Variants in PCMT1 observed in about 807,000 individuals in gnomAD.
PCMT1 encodes protein-L-isoaspartate (D-aspartate) O-methyltransferase.
Under a neutral mutation model 29.2 loss-of-function variants are expected in PCMT1, and 9 were observed. The observed-to-expected ratio is 0.31, with a 90% CI of 0.19 to 0.54. PCMT1 has a LOEUF of 0.54. Among genes scored for constraint, PCMT1 ranks in the 20% least tolerant of loss-of-function variants. PCMT1 has a pLI of 0.95. For missense variants in PCMT1, 184 were observed against 282.2 expected, an observed-to-expected ratio of 0.65 and a Z score of 2.49; for synonymous variants, 98 against 97.5, an observed-to-expected ratio of 1.00 and a Z score of -0.03.
chr6:149,752,450 C>T (rs757162079), intron 1 of PCMT1, among the ~76,000 whole-genome samples: 16 of 152,246 alleles, frequency 1.1e-4, no homozygotes, highest in Admixed American at 2.0e-4. Flanking sequence ...CTGCCTGCCT[C>T]GGCCTCCCAA....
In PCMT1 at chr6:149,762,132, C is replaced by T. The variant is rs541151054; in HGVS notation, c.56-9030C>T. Among the ~76,000 whole-genome samples the T allele has an allele frequency of 7.9e-5, 12 of 151,942 alleles. No individual in the cohort carries two copies. The South Asian group carries it at 8.3e-4, about 11-fold the overall frequency. On this transcript the variant is annotated intron_variant, in intron 1 of 7. Transcript: ENST00000464889. ...TGGAATTTGATTTATCCTCTGTGCC[C>T]GTTTTCACCCACGCTTCAAGTTGGG... is the stretch of plus-strand genomic sequence containing the variant.
intron 3 of PCMT1, among the ~76,000 whole-genome samples, chr6:149,780,201 C>T (rs1035632052): frequency 2.6e-5 from 4 of 151,716 alleles, no homozygotes; most frequent in Non-Finnish European, 4.4e-5. Flanking sequence ...TTTAGCTGGG[C>T]GTGATAGTAC....
intron 1 of PCMT1, among the ~76,000 whole-genome samples, chr6:149,757,746 C>T (rs1255369740): frequency 6.6e-6 from 1 of 152,124 alleles, no homozygotes; most frequent in African/African-American, 2.4e-5. Flanking sequence ...GACCATTTCA[C>T]TGTAAGGGAT....
intron 1 of PCMT1, among the ~76,000 whole-genome samples, chr6:149,764,349 T>G (rs561646744): frequency 6.6e-6 from 1 of 152,346 alleles, no homozygotes; most frequent in African/African-American, 2.4e-5. Flanking sequence ...TTTATAGGCT[T>G]ATTTGAGACA....
chr6:149,754,161 A>G lies in PCMT1; in HGVS notation c.55+4205A>G, dbSNP rs539707593. Among the ~76,000 whole-genome samples the G allele has an allele frequency of 1.7e-4, 26 of 152,364 alleles. No homozygotes were observed. The South Asian group carries it at 5.2e-3, about 30-fold the overall frequency. Reference sequence around the variant, plus strand: ...TTGTCCAGTGTGGTAGCTACTAGCTACATGTGGCATTTAACATTTGAAATG... The same window carrying G: ...TTGTCCAGTGTGGTAGCTACTAGCTGCATGTGGCATTTAACATTTGAAATG... On this transcript the variant is annotated intron_variant, in intron 1 of 7. Transcript: ENST00000464889.
At chr6:149,770,563 G>A (rs1787271455) in intron 1 of PCMT1, among the ~76,000 whole-genome samples, 1 of 151,908 alleles carries the variant, frequency 6.6e-6, no homozygotes, top group African/African-American at 2.4e-5. Context: ...AAAATTAGCT[G>A]GGCGTGGTGG....
At chr6:149,770,960 C>T (rs942748244) in intron 1 of PCMT1, among the ~76,000 whole-genome samples, 1 of 151,976 alleles carries the variant, frequency 6.6e-6, no homozygotes, top group Non-Finnish European at 1.5e-5. Flanking sequence ...GATTGCGCCA[C>T]TGCACTCCAG....
chr6:149,757,959 T>C (rs1418359898), intron 1 of PCMT1, among the ~76,000 whole-genome samples: 1 of 152,180 alleles, frequency 6.6e-6, no homozygotes, highest in Admixed American at 6.6e-5. Context: ...CTTGGCTCAC[T>C]GCAACCTCTG....
At chr6:149,764,876 C>G (rs897682432) in intron 1 of PCMT1, among the ~76,000 whole-genome samples, 3 of 150,696 alleles carry the variant, frequency 2.0e-5, no homozygotes, top group Non-Finnish European at 4.4e-5. Context: ...CCCGTCTCTA[C>G]TAAAAATACA....
intron 1 of PCMT1, among the ~76,000 whole-genome samples, chr6:149,770,754 A>T (rs1197255042): frequency 6.6e-6 from 1 of 150,574 alleles, no homozygotes; most frequent in Non-Finnish European, 1.5e-5. Flanking sequence ...CTGTAATCCC[A>T]GTGCTTTGGG....
intron 6 of PCMT1, chr6:149,796,756 A>G: frequency 2.9e-6 from 1 of 341,160 alleles, no homozygotes; most frequent in Non-Finnish European, 5.2e-6. Context: ...AATTGGGAAA[A>G]TCCCTCTGGA....
intron 1 of PCMT1, among the ~76,000 whole-genome samples, chr6:149,763,635 ATTTC>A (rs1470767219): frequency 6.6e-6 from 1 of 152,228 alleles, no homozygotes; most frequent in Admixed American, 6.6e-5. Flanking sequence ...GAAGGAAGTG[ATTTC>A]TTTAATTTAC....
Position 149,796,728 on chromosome 6 carries a change from G to A in PCMT1, c.504+228G>A, listed in dbSNP as rs559282426. 28 of 393,258 alleles carry A rather than the reference G, an allele frequency of 7.1e-5. No individual in the cohort carries two copies. The South Asian group carries it at 1.6e-3, about 23-fold the overall frequency. The allele number at this position is 393,258 out of a possible 1,614,324, so 24.4% of individuals were successfully genotyped here. On this transcript the variant is annotated intron_variant, in intron 6 of 7. Transcript: ENST00000464889. The stretch of plus-strand genomic sequence containing the variant: ...TGGCGCTCATATTTGATCCAGGTAA[G>A]AACTAGGACAACAGTAGAATTGGGA...
At chr6:149,780,223 C>T (rs888586852) in intron 3 of PCMT1, among the ~76,000 whole-genome samples, 2 of 151,832 alleles carry the variant, frequency 1.3e-5, no homozygotes, top group African/African-American at 4.8e-5. Context: ...TGCCTGTGGT[C>T]CCAGCTATTC....
intron 6 of PCMT1, among the ~76,000 whole-genome samples, chr6:149,800,957 C>T (rs535822649): frequency 3.3e-5 from 5 of 152,314 alleles, no homozygotes; most frequent in East Asian, 3.9e-4. Context: ...TACAGTTGTA[C>T]CAGGTACTGT....
intron 3 of PCMT1, among the ~76,000 whole-genome samples, chr6:149,777,801 T>G (rs968606742): frequency 6.6e-6 from 1 of 152,044 alleles, no homozygotes; most frequent in Non-Finnish European, 1.5e-5. Flanking sequence ...TTGACTTTCT[T>G]TCTTTGTCCT....
At chr6:149,795,239 A>T (rs1788552191) in intron 5 of PCMT1, 1 of 396,354 alleles carries the variant, frequency 2.5e-6, no homozygotes, top group South Asian at 2.3e-5. Context: ...CGACAGCGCC[A>T]TGTTGCATGA....
intron 1 of PCMT1, among the ~76,000 whole-genome samples, chr6:149,768,517 T>C (rs1014639013): frequency 2.0e-5 from 3 of 149,934 alleles, no homozygotes; most frequent in African/African-American, 7.4e-5. Flanking sequence ...AGTGGCATGA[T>C]CTTGACTCAC....
chr6:149,755,752 T>C (rs1429054939), intron 1 of PCMT1, among the ~76,000 whole-genome samples: 2 of 152,194 alleles, frequency 1.3e-5, no homozygotes, highest in East Asian at 3.8e-4. Flanking sequence ...GATACAGCAG[T>C]GAACAAAACA....
Sources: allele counts gnomAD v4.1 joint callset (sites outside exome capture counted in the v4.1 genomes callset), GRCh38; gene constraint gnomAD v4.1.1; transcripts MANE v1.5; gene names NCBI Gene and HGNC (gene_info 2026-07-23, HGNC 2026-07-21).